The following PTPRE variants were observed in gnomAD, a reference collection of about 807,000 sequenced individuals.
PTPRE encodes receptor-type tyrosine-protein phosphatase epsilon.
Under a neutral mutation model 102.0 loss-of-function variants are expected in PTPRE, and 51 were observed. That is an observed-to-expected ratio of 0.50 (90% CI 0.40 to 0.63). PTPRE has a LOEUF of 0.63. Ranked by LOEUF, PTPRE falls within the 30% of genes least tolerant of loss-of-function variation. The pLI, the probability that PTPRE is intolerant of heterozygous loss-of-function variation, is 0.00. For synonymous variants in PTPRE, 345 were observed against 348.2 expected, an observed-to-expected ratio of 0.99 and a Z score of 0.10; for missense variants, 752 against 915.1, an observed-to-expected ratio of 0.82 and a Z score of 2.30.
At chr10:128,062,849 A>C in intron 9 of PTPRE, 1 of 626,220 alleles carries the variant, frequency 1.6e-6, no homozygotes, top group Non-Finnish European at 2.6e-6. Context: ...TCATAACTCA[A>C]CCTGGGCCCA....
At chr10:128,046,692 G>A (rs1330433997) in intron 3 of PTPRE, among the ~76,000 whole-genome samples, 1 of 152,190 alleles carries the variant, frequency 6.6e-6, no homozygotes, top group Non-Finnish European at 1.5e-5. Context: ...AAAGGTGGCA[G>A]CGAGGCCACC....
intron 20 of PTPRE, among the ~76,000 whole-genome samples, chr10:128,080,266 C>T (rs568077102): frequency 1.8e-4 from 28 of 152,350 alleles, no homozygotes; most frequent in East Asian, 1.3e-3. Flanking sequence ...TACTATGGCT[C>T]GTGCTGCTAA....
intron 2 of PTPRE, among the ~76,000 whole-genome samples, chr10:128,007,091 G>T (rs190308997): frequency 6.6e-6 from 1 of 152,050 alleles, no homozygotes; most frequent in Admixed American, 6.5e-5. Flanking sequence ...TTATTTTGAG[G>T]TTTCTCTCTC....
intron 7 of PTPRE, among the ~76,000 whole-genome samples, chr10:128,059,421 T>G (rs1046674666): frequency 1.3e-5 from 2 of 152,174 alleles, no homozygotes; most frequent in African/African-American, 4.8e-5. Flanking sequence ...GTGGCCCACC[T>G]GGCAGCCTTC....
At chr10:128,072,649 C>T (rs1238087587) in intron 16 of PTPRE, 1 of 108,248 alleles carries the variant, frequency 9.2e-6, no homozygotes, top group Non-Finnish European at 1.8e-5. Context: ...GAGAGCGAGA[C>T]CCCCTCTCAA....
At chr10:128,019,632 C>CCCATCCATCCATCCAT (rs199921016) in intron 2 of PTPRE, among the ~76,000 whole-genome samples, 2 of 102,962 alleles carry the variant, frequency 1.9e-5, no homozygotes, top group Non-Finnish European at 2.3e-5. Context: ...CCTATGTCAG[C>CCCATCCATCCATCCAT]CCATTCATTC....
chr10:128,016,874 T>C (rs922999764), intron 2 of PTPRE, among the ~76,000 whole-genome samples: 1 of 152,222 alleles, frequency 6.6e-6, no homozygotes, highest in Non-Finnish European at 1.5e-5. Flanking sequence ...CTGTGGCCGC[T>C]GTGGAGCCGG....
intron 1 of PTPRE, among the ~76,000 whole-genome samples, chr10:127,948,387 T>C (rs917787193): frequency 6.6e-6 from 1 of 152,194 alleles, no homozygotes; most frequent in African/African-American, 2.4e-5. Flanking sequence ...CCATAGTCTG[T>C]GTTGGGGCTC....
chr10:127,989,566 G>A (rs888158972), intron 2 of PTPRE, among the ~76,000 whole-genome samples: 4 of 152,158 alleles, frequency 2.6e-5, no homozygotes, highest in Non-Finnish European at 4.4e-5. Context: ...AGTCCCCAGC[G>A]GTGCTCTCTC....
At chr10:127,965,161 C>G (rs1302916668) in intron 1 of PTPRE, among the ~76,000 whole-genome samples, 2 of 152,176 alleles carry the variant, frequency 1.3e-5, no homozygotes, top group East Asian at 3.8e-4. Context: ...ATTTGAACTT[C>G]CATAACCATA....
intron 2 of PTPRE, among the ~76,000 whole-genome samples, chr10:128,029,392 A>G (rs1216790769): frequency 1.3e-5 from 2 of 152,194 alleles, no homozygotes; most frequent in Non-Finnish European, 2.9e-5. Flanking sequence ...TGTGGGTGTC[A>G]GCACTAAAGA....
At chr10:128,013,481 C>T (rs1275254421) in intron 2 of PTPRE, among the ~76,000 whole-genome samples, 1 of 152,168 alleles carries the variant, frequency 6.6e-6, no homozygotes, top group Non-Finnish European at 1.5e-5. Flanking sequence ...GCAGCACCTG[C>T]TGAGAAAAGC....
chr10:128,011,453 T>C (rs1331239831), intron 2 of PTPRE, among the ~76,000 whole-genome samples: 1 of 152,190 alleles, frequency 6.6e-6, no homozygotes, highest in Non-Finnish European at 1.5e-5. Flanking sequence ...GTTCTGAGCG[T>C]GGCCTGGGCG....
intron 1 of PTPRE, among the ~76,000 whole-genome samples, chr10:127,914,577 C>G (rs978448465): frequency 6.6e-6 from 1 of 152,200 alleles, no homozygotes; most frequent in Admixed American, 6.5e-5. Flanking sequence ...TAAATCCTCC[C>G]TATGGAATTC....
chr10:127,950,410 G>A (rs1848930697), intron 1 of PTPRE, among the ~76,000 whole-genome samples: 1 of 152,106 alleles, frequency 6.6e-6, no homozygotes, highest in Non-Finnish European at 1.5e-5. Flanking sequence ...TTACTTTAAA[G>A]GAAGGGATCC....
chr10:128,037,456 G>A (rs1336300024), intron 2 of PTPRE, among the ~76,000 whole-genome samples: 1 of 152,188 alleles, frequency 6.6e-6, no homozygotes, highest in Non-Finnish European at 1.5e-5. Context: ...TGGGAGTGGG[G>A]TATCAGGGTG....
intron 1 of PTPRE, among the ~76,000 whole-genome samples, chr10:127,910,982 T>C (rs1845831158): frequency 6.6e-6 from 1 of 152,082 alleles, no homozygotes; most frequent in South Asian, 2.1e-4. Flanking sequence ...CTCAGGAGGC[T>C]GAGGTGAGAG....
chr10:128,071,136 G>T (rs996118162), intron 15 of PTPRE: 1 of 520,946 alleles, frequency 1.9e-6, no homozygotes, highest in Non-Finnish European at 3.4e-6. Flanking sequence ...AGCTGCTTCG[G>T]ATATGAGCTT....
chr10:128,081,590 T>C lies in PTPRE; in HGVS notation c.2029-1242T>C, dbSNP rs144565840. ...GATATTCAGTCAATGTTGCTTTAAG[T>C]TGGAAAAGTCAATGTTGCTTTAAGC... On this transcript the variant is annotated intron_variant, in intron 20 of 20. Coordinates refer to ENST00000254667, the MANE Select transcript of PTPRE (RefSeq NM_006504.6). Among the ~76,000 whole-genome samples the C allele has an allele frequency of 4.3e-3, 655 of 152,136 alleles. 7 individuals are homozygous for C. Among genetic ancestry groups the C allele is most frequent in the African/African-American group, 0.015 (613 of 41,522 alleles).
Sources: gnomAD v4.1 joint callset for allele counts (sites outside exome capture counted in the v4.1 genomes callset) on GRCh38, gnomAD v4.1.1 for gene constraint, MANE v1.5 for transcripts, NCBI Gene and HGNC (gene_info 2026-07-23, HGNC 2026-07-21) for gene names.